The following CPSF3 variants were observed in gnomAD, a reference collection of about 807,000 sequenced individuals.
The protein encoded by CPSF3 is cleavage and polyadenylation specific factor 3, also known as cleavage and polyadenylation specificity factor subunit 3.
A neutral mutation model predicts 84.1 loss-of-function variants in CPSF3; 57 were observed. The observed-to-expected ratio is 0.68, with a 90% CI of 0.55 to 0.85. The LOEUF (loss-of-function observed/expected upper bound fraction) is 0.85, where lower values mean the gene tolerates loss of function less well. Ranked by LOEUF, CPSF3 falls within the 40% of genes least tolerant of loss-of-function variation. CPSF3 has a pLI of 0.00. For synonymous variants in CPSF3, 275 were observed against 278.1 expected (o/e 0.99, Z 0.11); for missense variants, 522 against 838.8 (o/e 0.62, Z 4.66).
In CPSF3 at chr2:9,459,562, C is replaced by T. The variant is rs970273201; in HGVS notation, c.1730C>T (p.Ala577Val). The change falls in exon 15 of 18, where the codon GCA (alanine) becomes GTA (valine). Residue 577 changes from alanine (A) to valine (V), a missense_variant. Transcript: ENST00000238112. ...WLANPSNDMY[A>V]DTVTTVILEV... is the part of the protein sequence containing the mutation. ...GCAAACCCTTCTAATGATATGTATG[C>T]AGATACAGTAACAACTGTGATATTG... The T allele has an allele frequency of 6.2e-7, 1 of 1,606,134 alleles. No homozygotes were observed. Among genetic ancestry groups the T allele is most frequent in the Non-Finnish European group, 8.5e-7 (1 of 1,176,280 alleles).
intron 14 of CPSF3, 118 bp downstream of exon 14, chr2:9,457,145 A>ATGTGTGTG (rs1242754370): frequency 2.1e-6 from 1 of 475,016 alleles, no homozygotes; most frequent in Non-Finnish European, 3.7e-6. Flanking sequence ...GTTGGAAAGT[A>ATGTGTGTG]TATGTGTGTG....
At chr2:9,437,130 GT>G (rs140316353) in intron 7 of CPSF3, among the ~76,000 whole-genome samples, 12,221 of 152,142 alleles carry the variant, frequency 0.08, 1,620 homozygotes, top group African/African-American at 0.27. Flanking sequence ...TGGGCTGGAC[GT>G]GGTGGCTCAC....
chr2:9,466,340 ACGCG>A (rs55864348), intron 15 of CPSF3, among the ~76,000 whole-genome samples: 53 of 56,748 alleles, frequency 9.3e-4, no homozygotes, highest in Non-Finnish European at 2.1e-3. Flanking sequence ...GCACGCACAC[ACGCG>A]CGCGCGCGCA....
At chr2:9,424,195 C>T (rs1463085646) in intron 1 of CPSF3, 1 of 1,028,038 alleles carries the variant, frequency 9.7e-7, no homozygotes. Context: ...TTATGACCGA[C>T]AGGATGAGAG....
chr2:9,434,218 T>TA (rs2148937449), intron 6 of CPSF3, among the ~76,000 whole-genome samples: 1 of 151,934 alleles, frequency 6.6e-6, no homozygotes, highest in African/African-American at 2.4e-5. Flanking sequence ...CCATCTCTAC[T>TA]AAAAAAATAC....
intron 7 of CPSF3, among the ~76,000 whole-genome samples, chr2:9,437,688 G>A (rs1680832701): frequency 6.6e-6 from 1 of 152,144 alleles, no homozygotes; most frequent in African/African-American, 2.4e-5. Flanking sequence ...CACTCTTATT[G>A]AAGAATAAAA....
chr2:9,459,394 A>G (rs1431990088), intron 14 of CPSF3, 137 bp from the exon 15 acceptor site: 2 of 686,390 alleles, frequency 2.9e-6, no homozygotes, highest in Non-Finnish European at 5.4e-6. Context: ...GTAAACAATG[A>G]GTCAGTTAAT....
chr2:9,455,638 C>G, intron 12 of CPSF3, 21 bp from the exon 13 acceptor site: 2 of 1,568,116 alleles, frequency 1.3e-6, no homozygotes, highest in East Asian at 2.2e-5. Flanking sequence ...TTCTTCAAGT[C>G]TCTTCTCATT....
At chr2:9,461,713 A>G (rs922114581) in intron 15 of CPSF3, among the ~76,000 whole-genome samples, 1 of 151,638 alleles carries the variant, frequency 6.6e-6, no homozygotes, top group African/African-American at 2.4e-5. Context: ...AGGTGGTAAA[A>G]ATAAAGGTGT....
rs373757814 is a variant in CPSF3 at position 9,429,926 on chromosome 2, G to A, written c.118G>A (p.Asp40Asn). Residue 40 changes from aspartate (D) to asparagine (N), a missense_variant, in exon 3 of 18, where the codon GAC becomes AAC. By Grantham distance (23) the Asp-to-Asn change is conservative. Transcript: ENST00000238112. ...LEFKGRKIMLDCGIHPGLEGM... is the reference protein window; with the variant it reads ...LEFKGRKIMLNCGIHPGLEGM... ...TCTCTTTTCCTGTTTCTTTCAGCTC[G>A]ACTGTGGGATCCACCCTGGCCTAGA... The A allele has an allele frequency of 1.5e-5, 24 of 1,590,582 alleles. No individual in the cohort carries two copies. Among genetic ancestry groups the A allele is most frequent in the Non-Finnish European group, 3.4e-6 (4 of 1,170,046 alleles).
In CPSF3 at chr2:9,452,364, G is replaced by A. The variant is rs548189432; in HGVS notation, c.1396-549G>A. ...AAAAAGAATAGTGGGTTTCACGTTT[G>A]TAGTATTTTTGTTTTTAAATGGTTG... On this transcript the variant is annotated intron_variant, in intron 11 of 17. Coordinates refer to ENST00000238112, the MANE Select transcript of CPSF3 (RefSeq NM_016207.4). Among the ~76,000 whole-genome samples, 317 of 150,240 alleles carry A rather than the reference G, an allele frequency of 2.1e-3. 1 individual carries two copies. Among genetic ancestry groups the A allele is most frequent in the Non-Finnish European group, 3.9e-3 (265 of 67,634 alleles).
At chr2:9,460,195 C>A (rs1044550156) in intron 15 of CPSF3, among the ~76,000 whole-genome samples, 7 of 151,982 alleles carry the variant, frequency 4.6e-5, no homozygotes, top group African/African-American at 1.7e-4. Flanking sequence ...TTGAGTCAGG[C>A]CGGGCGCACG....
At chr2:9,448,575 T>A (rs113353574) in intron 11 of CPSF3, among the ~76,000 whole-genome samples, 5 of 151,870 alleles carry the variant, frequency 3.3e-5, no homozygotes, top group African/African-American at 1.2e-4. Flanking sequence ...TGTGTGTGTG[T>A]GAGACGGAGT....
At chr2:9,434,068 C>A in intron 6 of CPSF3, 108 bp downstream of exon 6, 1 of 671,176 alleles carries the variant, frequency 1.5e-6, no homozygotes. Context: ...TGGATATAAA[C>A]TTACCTTTTT....
intron 1 of CPSF3, among the ~76,000 whole-genome samples, chr2:9,428,241 C>T (rs1680460171): frequency 6.6e-6 from 1 of 151,424 alleles, no homozygotes; most frequent in Non-Finnish European, 1.5e-5. Flanking sequence ...TCGTGATCTG[C>T]CTGCCTCGGC....
chr2:9,436,333 A>G lies in CPSF3; in HGVS notation c.732A>G (p.Gly244=). 3 of 1,613,706 alleles carry G rather than the reference A, an allele frequency of 1.9e-6. No homozygotes were observed. The highest frequency in any genetic ancestry group is 2.5e-6 in the Non-Finnish European group (3 of 1,179,814). The change falls in exon 7 of 18, where the codon GGA becomes GGG. Residue 244 remains glycine, a synonymous_variant. Coordinates refer to ENST00000238112, the MANE Select transcript of CPSF3 (RefSeq NM_016207.4). ...GRGLIPVFAL[G]RAQELLLILD... is the part of the protein sequence containing the mutation. Reference sequence around the variant, plus strand: ...GTCTCATTCCTGTCTTTGCTCTTGGAAGGGCTCAGGAGCTGCTCTTGATTC... The same window carrying G: ...GTCTCATTCCTGTCTTTGCTCTTGGGAGGGCTCAGGAGCTGCTCTTGATTC...
intron 4 of CPSF3, 120 bp from the exon 5 acceptor site, chr2:9,432,391 C>T: frequency 1.6e-6 from 1 of 626,592 alleles, no homozygotes; most frequent in South Asian, 5.4e-5. Context: ...ATACATGATT[C>T]ATACAGTATA....
intron 1 of CPSF3, 146 bp downstream of exon 1, chr2:9,423,969 C>T: frequency 6.9e-7 from 1 of 1,448,752 alleles, no homozygotes; most frequent in Non-Finnish European, 9.1e-7. Context: ...GCTTCTCAGG[C>T]TCGAGGGGTT....
At chr2:9,462,494 C>T (rs1347557255) in intron 15 of CPSF3, among the ~76,000 whole-genome samples, 2 of 152,102 alleles carry the variant, frequency 1.3e-5, no homozygotes, top group Non-Finnish European at 2.9e-5. Flanking sequence ...GAGGAGGGAT[C>T]ACAGAGATGT....
Sources: allele counts gnomAD v4.1 joint callset (sites outside exome capture counted in the v4.1 genomes callset), GRCh38; gene constraint gnomAD v4.1.1; transcripts MANE v1.5; gene names NCBI Gene and HGNC (gene_info 2026-07-23, HGNC 2026-07-21).